DAGLB: variants seen among roughly 807,000 people sequenced by gnomAD.
DAGLB encodes diacylglycerol lipase-beta.
DAGLB carries 66 observed loss-of-function variants against 72.1 expected under a neutral mutation model. The observed-to-expected ratio is 0.92, with a 90% CI of 0.75 to 1.12. The LOEUF is 1.12. DAGLB is among the 50% of genes most tolerant of loss of function. DAGLB has a pLI of 0.00. For synonymous variants in DAGLB, 414 were observed against 359.5 expected (o/e 1.15, Z -1.71); for missense variants, 1,065 against 884.9 (o/e 1.20, Z -2.58).
intron 8 of DAGLB, among the ~76,000 whole-genome samples, chr7:6,423,244 T>C (rs773465490): frequency 4.4e-4 from 67 of 152,058 alleles, no homozygotes; most frequent in Non-Finnish European, 9.7e-4. Context: ...AGCAAGACCC[T>C]GTCTTAGAAA....
intron 2 of DAGLB, among the ~76,000 whole-genome samples, chr7:6,444,084 T>C (rs1259111583): frequency 2.0e-5 from 3 of 151,994 alleles, no homozygotes; most frequent in Non-Finnish European, 2.9e-5. Flanking sequence ...CTAAGCTATA[T>C]AGCAAGACCC....
chr7:6,409,762 C>T lies in DAGLB; in HGVS notation c.*75G>A. The T allele has an allele frequency of 1.3e-6, 2 of 1,510,698 alleles. No homozygotes were observed. Among genetic ancestry groups the T allele is most frequent in the Non-Finnish European group, 8.9e-7 (1 of 1,117,374 alleles). 93.6% of individuals were successfully genotyped at this position (1,510,698 alleles called of 1,614,324 possible). ...ATTCGCTGTTTTGGCGTCATGGGAA[C>T]TCCTCGGATGGTAAGTCAGTTTAAG... is the stretch of plus-strand genomic sequence containing the variant. On this transcript the variant is annotated 3_prime_UTR_variant, in exon 15 of 15. Coordinates refer to ENST00000297056, the MANE Select transcript of DAGLB (RefSeq NM_139179.4).
chr7:6,447,306 T>C (rs1234070503), intron 1 of DAGLB, among the ~76,000 whole-genome samples: 1 of 152,176 alleles, frequency 6.6e-6, no homozygotes, highest in Non-Finnish European at 1.5e-5. Flanking sequence ...GGCTCGGTAT[T>C]TTTTCCTATC....
intron 9 of DAGLB, among the ~76,000 whole-genome samples, chr7:6,419,629 C>T (rs1123675): frequency 1.3e-5 from 2 of 152,086 alleles, no homozygotes; most frequent in African/African-American, 2.4e-5. Context: ...TGAACTGTCA[C>T]TAAAATATGA....
At chr7:6,424,128 G>A (rs1375351778) in intron 8 of DAGLB, among the ~76,000 whole-genome samples, 2 of 152,222 alleles carry the variant, frequency 1.3e-5, no homozygotes, top group Non-Finnish European at 2.9e-5. Context: ...GAGAAGAACG[G>A]GAAGTGAGAC....
chr7:6,411,761 A>C (rs1264044297), intron 13 of DAGLB, among the ~76,000 whole-genome samples: 1 of 152,214 alleles, frequency 6.6e-6, no homozygotes, highest in East Asian at 1.9e-4. Flanking sequence ...ACCGACACTA[A>C]ACAAAACCAC....
At position 6,447,809 on chromosome 7, in the gene DAGLB, C is replaced by A. The variant is rs775518563; in HGVS notation, c.34G>T (p.Ala12Ser). 6.2e-7 allele frequency: 1 copy of A among 1,613,308 alleles called. No individual in the cohort carries two copies. Among genetic ancestry groups the A allele is most frequent in the East Asian group, 2.2e-5 (1 of 44,854 alleles). The change falls in exon 1 of 15, where the codon GCC becomes TCC. Residue 12 changes from alanine (A) to serine (S), a missense_variant. Transcript: ENST00000297056. ...PGMVLFGRRW[A>S]IASDDLVFPG... The stretch of plus-strand genomic sequence containing the variant: ...AAGACCAAGTCGTCGCTGGCGATGG[C>A]CCAGCGCCGGCCGAAGAGTACCATC...
intron 2 of DAGLB, 46 bp from the exon 3 acceptor site, chr7:6,436,579 A>T: frequency 6.2e-7 from 1 of 1,609,808 alleles, no homozygotes; most frequent in African/African-American, 1.3e-5. Context: ...TTCCTCAGAG[A>T]TGAAGAGCTT....
In DAGLB at chr7:6,421,741, G is replaced by A. The variant is rs147869784; in HGVS notation, c.1204C>T (p.Arg402Cys). 34 of 1,610,982 alleles carry A rather than the reference G, an allele frequency of 2.1e-5. No homozygotes were observed. The highest frequency in any genetic ancestry group is 8.9e-5 in the East Asian group (4 of 44,796). Residue 402 changes from arginine to cysteine, a missense_variant, in exon 9 of 15, where the codon CGC (arginine) becomes TGC (cysteine). Physicochemically the swap from Arg to Cys is radical, Grantham distance 180. Transcript: ENST00000297056. ...VLDVECEVQD[R>C]LAHKGISQAA... ...CGCGCTCATACCTTGTGTGCCAGGC[G>A]GTCCTGCACCTCACACTCCACGTCC... is the stretch of plus-strand genomic sequence containing the variant.
At chr7:6,428,265 G>C (rs911622748) in intron 6 of DAGLB, among the ~76,000 whole-genome samples, 44 of 131,068 alleles carry the variant, frequency 3.4e-4, no homozygotes, top group Admixed American at 9.8e-4. Flanking sequence ...AGAATCACTT[G>C]AACCTGGGAG....
At chr7:6,422,232 G>A (rs897165080) in intron 8 of DAGLB, 2 of 332,056 alleles carry the variant, frequency 6.0e-6, no homozygotes, top group African/African-American at 2.2e-5. Context: ...CGAGTCAGAG[G>A]ATGGGGCACA....
At chr7:6,445,760 G>T in intron 2 of DAGLB, 193 bp downstream of exon 2, 2 of 581,386 alleles carry the variant, frequency 3.4e-6, no homozygotes, top group Non-Finnish European at 5.5e-6. Context: ...ACTGTGTCCC[G>T]CCTGGTACAG....
chr7:6,416,500 G>A (rs562387941), intron 11 of DAGLB, 127 bp downstream of exon 11: 10 of 1,386,968 alleles, frequency 7.2e-6, no homozygotes, highest in Middle Eastern at 2.7e-4. Context: ...CCGAGATCAC[G>A]CCACTGCACT....
chr7:6,413,791 C>G (rs1391173925), intron 11 of DAGLB, among the ~76,000 whole-genome samples: 1 of 152,232 alleles, frequency 6.6e-6, no homozygotes, highest in Non-Finnish European at 1.5e-5. Context: ...AATAGTGCGT[C>G]CCGCACAGCT....
chr7:6,432,912 A>T lies in DAGLB; in HGVS notation c.726T>A (p.Leu242=). The T allele has an allele frequency of 6.2e-7, 1 of 1,613,812 alleles. No individual in the cohort carries two copies. The highest frequency in any genetic ancestry group is 8.5e-7 in the Non-Finnish European group (1 of 1,179,970). The change falls in exon 5 of 15, where the codon CTT becomes CTA. Residue 242 remains leucine, a synonymous_variant. Coordinates refer to ENST00000297056, the MANE Select transcript of DAGLB (RefSeq NM_139179.4). ...TCCTGATATTGTCCTGTTGCTGATG[A>T]AGCAGGGCGAGGCCCGCCGCAATGT... is the stretch of plus-strand genomic sequence containing the variant. The part of the protein sequence containing the change: ...PSDIAAGLAL[L]HQQQDNIRNN...
chr7:6,414,586 C>G (rs1456464736), intron 11 of DAGLB, among the ~76,000 whole-genome samples: 1 of 152,022 alleles, frequency 6.6e-6, no homozygotes, highest in Non-Finnish European at 1.5e-5. Context: ...CAGGTGTGAC[C>G]CAACATGCCC....
At chr7:6,410,945 CACAATCTTGGCTCT>C (rs1783705892) in intron 13 of DAGLB, among the ~76,000 whole-genome samples, 1 of 140,050 alleles carries the variant, frequency 7.1e-6, no homozygotes, top group Non-Finnish European at 1.5e-5. Flanking sequence ...AGTGCAGTGG[CACAATCTTGGCTCT>C]CTGCAAGCTC....
At chr7:6,431,012 G>C (rs576372351) in intron 5 of DAGLB, among the ~76,000 whole-genome samples, 303 of 152,204 alleles carry the variant, frequency 2.0e-3, no homozygotes, top group African/African-American at 5.6e-3. Context: ...CCGACCTCAG[G>C]TGATCAACCT....
chr7:6,445,442 A>C (rs1784968144), intron 2 of DAGLB, among the ~76,000 whole-genome samples: 1 of 152,178 alleles, frequency 6.6e-6, no homozygotes, highest in African/African-American at 2.4e-5. Context: ...GACAGAAAGC[A>C]AATTAGTGAA....
Sources: allele counts gnomAD v4.1 joint callset (sites outside exome capture counted in the v4.1 genomes callset), GRCh38; gene constraint gnomAD v4.1.1; transcripts MANE v1.5; gene names NCBI Gene and HGNC (gene_info 2026-07-23, HGNC 2026-07-21).